The following GCFC2 variants were observed in gnomAD, a reference collection of about 807,000 sequenced individuals.
GCFC2 encodes the protein intron Large complex component GCFC2.
A neutral mutation model predicts 99.4 loss-of-function variants in GCFC2; 102 were observed. That is an observed-to-expected ratio of 1.03 (90% CI 0.87 to 1.21). GCFC2 has a LOEUF of 1.21. Among genes scored for constraint, GCFC2 ranks in the 50% most tolerant of loss-of-function variants. The pLI, the probability that GCFC2 is intolerant of heterozygous loss-of-function variation, is 0.00. For missense variants in GCFC2, 973 were observed against 920.9 expected (o/e 1.06, Z -0.73); for synonymous variants, 338 against 316.8 (o/e 1.07, Z -0.71).
At position 75,664,752 on chromosome 2, in the gene GCFC2, C is replaced by T. The variant is rs1678755764; in HGVS notation, c.2260G>A (p.Val754Met). Residue 754 changes from valine (V) to methionine (M), a missense_variant, in exon 17 of 17, where the codon GTG (valine) becomes ATG (methionine). Val to Met is a conservative substitution (Grantham distance 21, BLOSUM62 1). Transcript: ENST00000321027. ...GCTTGATTCAAAGCTTTTATTTTCA[C>T]CAAAATAAGAATTATTTCTTCGACT... ...DEVEEIILIL[V>M]KIKALNQAES... The T allele has an allele frequency of 6.4e-7, 1 of 1,559,448 alleles. No homozygotes were observed. Among genetic ancestry groups the T allele is most frequent in the Non-Finnish European group, 8.8e-7 (1 of 1,132,466 alleles).
chr2:75,666,475 A>T (rs1457717514), intron 15 of GCFC2, among the ~76,000 whole-genome samples: 1 of 152,168 alleles, frequency 6.6e-6, no homozygotes, highest in Non-Finnish European at 1.5e-5. Context: ...GGAGTTAAGG[A>T]ACCAAATGGG....
Position 75,671,975 on chromosome 2 carries a change from T to C in GCFC2, c.1931A>G (p.Glu644Gly), listed in dbSNP as rs141752962. 1,837 of 1,594,876 alleles carry C rather than the reference T, an allele frequency of 1.2e-3. 35 individuals are homozygous for C. In the East Asian group the frequency reaches 0.039, roughly 34 times the overall value. ...NKTSPHSKFQ[E>G]RQFWSGLKLF... ...CTTTAGGCCTGACCAGAACTGTCTT[T>C]CTTGGAACTTTGAATGAGGTGATGT... The change falls in exon 14 of 17, where the codon GAA (glutamate) becomes GGA (glycine). Residue 644 changes from glutamate (E) to glycine (G), a missense_variant. Physicochemically the swap from Glu to Gly is moderately conservative, Grantham distance 98 (BLOSUM62 -2). Coordinates refer to ENST00000321027, the MANE Select transcript of GCFC2 (RefSeq NM_003203.5).
At chr2:75,693,246 T>C (rs935001847) in intron 6 of GCFC2, among the ~76,000 whole-genome samples, 1 of 152,032 alleles carries the variant, frequency 6.6e-6, no homozygotes, top group Non-Finnish European at 1.5e-5. Context: ...CCAGACCAGC[T>C]TGGGCAACAT....
intron 2 of GCFC2, among the ~76,000 whole-genome samples, chr2:75,703,694 G>A (rs1023204499): frequency 7.2e-5 from 11 of 152,048 alleles, no homozygotes; most frequent in Non-Finnish European, 1.2e-4. Flanking sequence ...AGCAATTCTC[G>A]ACCCTGGCTA....
chr2:75,701,045 G>C (rs977281514), intron 4 of GCFC2, 145 bp downstream of exon 4: 1 of 596,436 alleles, frequency 1.7e-6, no homozygotes, highest in Non-Finnish European at 3.0e-6. Context: ...TTTGGAAGAA[G>C]CAAGGTGCTG....
intron 14 of GCFC2, 53 bp from the exon 15 acceptor site, chr2:75,670,337 A>G: frequency 8.0e-7 from 1 of 1,245,900 alleles, no homozygotes; most frequent in South Asian, 1.2e-5. Flanking sequence ...AGAAACTGTA[A>G]TAGTCTCTAA....
intron 11 of GCFC2, 74 bp downstream of exon 11, chr2:75,687,753 A>T: frequency 8.7e-7 from 1 of 1,152,618 alleles, no homozygotes; most frequent in Non-Finnish European, 1.3e-6. Context: ...AACTTTGTGA[A>T]TATAACAGAA....
chr2:75,698,628 T>C (rs1037278376), intron 4 of GCFC2, among the ~76,000 whole-genome samples: 1 of 152,254 alleles, frequency 6.6e-6, no homozygotes, highest in African/African-American at 2.4e-5. Context: ...TTTAAAGGGG[T>C]GTAGTGAGAC....
Position 75,687,899 on chromosome 2 carries a change from T to G in GCFC2, c.1618A>C (p.Lys540Gln), listed in dbSNP as rs1679892078. 6.2e-7 allele frequency: 1 copy of G among 1,604,606 alleles called. No homozygotes were observed. The highest frequency in any genetic ancestry group is 1.3e-5 in the African/African-American group (1 of 74,580). Reference protein sequence around the residue: ...EFMDSSVEDSKKESSSDKKVL... With the variant: ...EFMDSSVEDSQKESSSDKKVL... ...TTTTTATCTGAACTACTTTCCTTCT[T>G]TGAATCTTCCACACTGCTATCCATA... Residue 540 changes from lysine to glutamine, a missense_variant, in exon 11 of 17, where the codon AAG (lysine) becomes CAG (glutamine). Coordinates refer to ENST00000321027, the MANE Select transcript of GCFC2 (RefSeq NM_003203.5).
intron 15 of GCFC2, among the ~76,000 whole-genome samples, chr2:75,668,356 A>G (rs560611200): frequency 1.6e-4 from 24 of 152,138 alleles, no homozygotes; most frequent in African/African-American, 5.8e-4. Context: ...AAACAAAACA[A>G]AACAAAACAA....
chr2:75,702,735 T>C lies in GCFC2; in HGVS notation c.395-312A>G, dbSNP rs1680665376. On this transcript the variant is annotated intron_variant, in intron 2 of 16. Coordinates refer to ENST00000321027, the MANE Select transcript of GCFC2 (RefSeq NM_003203.5). Reference sequence around the variant, plus strand: ...TTGTTGAGGGGTCGCTATTTCTCATTTCTGGAAGCTCTGAGATTGTCAGCG... The same window carrying C: ...TTGTTGAGGGGTCGCTATTTCTCATCTCTGGAAGCTCTGAGATTGTCAGCG... 4.6e-5 allele frequency among the ~76,000 whole-genome samples: 7 copies of C among 152,184 alleles called. No individual in the cohort carries two copies. The South Asian group carries it at 1.4e-3, about 32-fold the overall frequency.
intron 15 of GCFC2, 170 bp downstream of exon 15, chr2:75,669,968 G>A (rs992144765): frequency 4.7e-5 from 21 of 446,016 alleles, no homozygotes; most frequent in Non-Finnish European, 7.8e-5. Flanking sequence ...CACGCAATCC[G>A]CCTGCCTCAG....
intron 11 of GCFC2, among the ~76,000 whole-genome samples, chr2:75,686,720 G>T (rs1047716485): frequency 2.6e-5 from 4 of 152,052 alleles, no homozygotes; most frequent in African/African-American, 9.7e-5. Context: ...CTCCAGTCTG[G>T]GTGACAGAGG....
In GCFC2 at chr2:75,670,178, T is replaced by C. The variant is rs73936776; in HGVS notation, c.2063A>G (p.Asn688Ser). The C allele has an allele frequency of 6.0e-4, 958 of 1,609,900 alleles. 1 individual carries two copies. The African/African-American group carries it at 0.01, about 18-fold the overall frequency. The change falls in exon 15 of 17, where the codon AAT (asparagine) becomes AGT (serine). Residue 688 changes from asparagine (N) to serine (S), a missense_variant. By Grantham distance (46) the Asn-to-Ser change is conservative. Coordinates refer to ENST00000321027, the MANE Select transcript of GCFC2 (RefSeq NM_003203.5). ...LNRYLIIALLNATPGPDVVKK... is the reference protein window; with the variant it reads ...LNRYLIIALLSATPGPDVVKK... ...AACCACATCTGGCCCAGGTGTGGCA[T>C]TGAGAAGTGCTATAATAAGGTAACG...
intron 15 of GCFC2, among the ~76,000 whole-genome samples, chr2:75,669,255 T>TA (rs1276792956): frequency 2.0e-5 from 3 of 152,192 alleles, no homozygotes; most frequent in Non-Finnish European, 4.4e-5. Context: ...AACAACTTTT[T>TA]ATTTCCTAGA....
chr2:75,678,278 A>T (rs1437923611), intron 12 of GCFC2, among the ~76,000 whole-genome samples: 1 of 152,226 alleles, frequency 6.6e-6, no homozygotes, highest in Non-Finnish European at 1.5e-5. Flanking sequence ...GCTTCTTTGT[A>T]GCTTTTAACT....
rs769889281 is a variant in GCFC2, at chr2:75,710,846, T to C, written c.10A>G (p.Arg4Gly). Residue 4 changes from arginine (R) to glycine (G), a missense_variant, in exon 1 of 17, where the codon AGG becomes GGG. Physicochemically the swap from Arg to Gly is moderately radical, Grantham distance 125. Coordinates refer to ENST00000321027, the MANE Select transcript of GCFC2 (RefSeq NM_003203.5). Reference protein sequence around the residue: MAHRPKRTFRQRAA... With the variant: MAHGPKRTFRQRAA... ...CGCTGCCGAAAAGTCCTTTTCGGCC[T>C]GTGAGCCATGGCCGAGGCCCGAGCG... 11 of 1,571,282 alleles carry C rather than the reference T, an allele frequency of 7.0e-6. No homozygotes were observed. The African/African-American group carries it at 1.6e-4, about 22-fold the overall frequency.
intron 8 of GCFC2, 157 bp downstream of exon 8, chr2:75,690,481 C>A: frequency 1.7e-6 from 1 of 587,128 alleles, no homozygotes; most frequent in South Asian, 2.1e-5. Context: ...TTAAAGCAGT[C>A]AAGGGTGGTT....
In GCFC2 at chr2:75,702,307, T is replaced by C. The variant is rs1221007001; in HGVS notation, c.511A>G (p.Lys171Glu). 3 of 1,613,112 alleles carry C rather than the reference T, an allele frequency of 1.9e-6. No homozygotes were observed. Among genetic ancestry groups the C allele is most frequent in the African/African-American group, 2.7e-5 (2 of 74,906 alleles). Residue 171 changes from lysine to glutamate, a missense_variant, in exon 3 of 17, where the codon AAG becomes GAG. Lys to Glu is a moderately conservative substitution (Grantham distance 56, BLOSUM62 1). Transcript: ENST00000321027. Reference protein sequence around the residue: ...VQHTSSISGMKRESEDDPESE... With the variant: ...VQHTSSISGMERESEDDPESE... The stretch of plus-strand genomic sequence containing the variant: ...TCAGGGTCATCTTCGCTCTCTCTCT[T>C]CATACCAGAGATGGAGGAGGTATGT...
Sources: allele counts gnomAD v4.1 joint callset (sites outside exome capture counted in the v4.1 genomes callset), GRCh38; gene constraint gnomAD v4.1.1; transcripts MANE v1.5; gene names NCBI Gene and HGNC (gene_info 2026-07-23, HGNC 2026-07-21).